The following KCNJ9 variants were observed in gnomAD, a reference collection of about 807,000 sequenced individuals.
KCNJ9 encodes the protein potassium inwardly rectifying channel subfamily J member 9.
In KCNJ9, 18 loss-of-function variants were observed where a neutral mutation model predicts 27.9. That is an observed-to-expected ratio of 0.65 (90% confidence interval 0.45 to 0.96). The LOEUF is 0.96. Among genes scored for constraint, KCNJ9 ranks in the 40% least tolerant of loss-of-function variants. KCNJ9 has a pLI of 0.00. For synonymous variants in KCNJ9, 229 were observed against 248.2 expected (o/e 0.92, Z 0.73); for missense variants, 324 against 557.5 (o/e 0.58, Z 4.22).
intron 2 of KCNJ9, 88 bp downstream of exon 2, chr1:160,084,968 C>A (rs915418020): frequency 7.2e-7 from 1 of 1,383,726 alleles, no homozygotes; most frequent in Admixed American, 2.4e-5. Flanking sequence ...GCCAGGGGAG[C>A]TGGGGAGGAT....
rs894034881 is a variant in KCNJ9 at position 160,084,001 on chromosome 1, G to T, written c.-30G>T. On this transcript the variant is annotated 5_prime_UTR_variant, in exon 2 of 3. Coordinates refer to ENST00000368088, the MANE Select transcript of KCNJ9 (RefSeq NM_004983.3). ...CTCGGGCCCCCGCCGCACTCCAGGC[G>T]CCCGCAGCGCTCGCCCTGACGCGGC... is the stretch of plus-strand genomic sequence containing the variant. The T allele has an allele frequency of 5.5e-6, 7 of 1,284,170 alleles. No homozygotes were observed. Among genetic ancestry groups the T allele is most frequent in the Admixed American group, 4.2e-5 (1 of 24,058 alleles). 79.5% of individuals were successfully genotyped at this position (1,284,170 alleles called of 1,614,324 possible).
At chr1:160,083,575 TCA>T (rs1649720287) in intron 1 of KCNJ9, among the ~76,000 whole-genome samples, 1 of 151,944 alleles carries the variant, frequency 6.6e-6, no homozygotes, top group African/African-American at 2.4e-5. Flanking sequence ...TTTCAGGAAA[TCA>T]CTAGGGGGAT....
Position 160,089,460 on chromosome 1 carries a change from G to T in KCNJ9, c.*1643G>T, listed in dbSNP as rs1304170670. 6.6e-6 allele frequency: 1 copy of T among 152,274 alleles called. No individual in the cohort carries two copies. Among genetic ancestry groups the T allele is most frequent in the Non-Finnish European group, 1.5e-5 (1 of 68,142 alleles). The allele number at this position is 152,274 out of a possible 1,614,324, so 9.4% of individuals were successfully genotyped here. A position where few individuals can be genotyped will look rare whatever the true frequency, so the allele number is the denominator to read the frequency against. On this transcript the variant is annotated 3_prime_UTR_variant, in exon 3 of 3. Coordinates refer to ENST00000368088, the MANE Select transcript of KCNJ9 (RefSeq NM_004983.3). ...CTTGAGGGGGCTCCTGGGGAGGTCG[G>T]GGGGAGGTGGAGCAGGAAGAGTTTT...
At chr1:160,082,902 T>C (rs1343981476) in intron 1 of KCNJ9, among the ~76,000 whole-genome samples, 1 of 152,034 alleles carries the variant, frequency 6.6e-6, no homozygotes, top group African/African-American at 2.4e-5. Flanking sequence ...TCAGGTGGGC[T>C]TCGCTTGGAA....
chr1:160,087,635 A>G lies in KCNJ9; in HGVS notation c.1000A>G (p.Ser334Gly), dbSNP rs1296695967. Residue 334 changes from serine (S) to glycine (G), a missense_variant, in exon 3 of 3, where the codon AGT (serine) becomes GGT (glycine). By Grantham distance (56) the Ser-to-Gly change is moderately conservative. Coordinates refer to ENST00000368088, the MANE Select transcript of KCNJ9 (RefSeq NM_004983.3). ...TTTTGAGGTGCCCACACCTTCGTGC[A>G]GTGCTCGAGAGCTGGCAGAGGCTGC... ...ETFEVPTPSCSARELAEAAAR... is the reference protein window; with the variant it reads ...ETFEVPTPSCGARELAEAAAR... 2 of 1,611,116 alleles carry G rather than the reference A, an allele frequency of 1.2e-6. No individual in the cohort carries two copies. The highest frequency in any genetic ancestry group is 1.7e-6 in the Non-Finnish European group (2 of 1,178,782).
rs1200925450 is a variant in KCNJ9 at position 160,084,747 on chromosome 1, C to T, written c.717C>T (p.Leu239=). 6.3e-7 allele frequency: 1 copy of T among 1,578,750 alleles called. No individual in the cohort carries two copies. The highest frequency in any genetic ancestry group is 8.6e-7 in the Non-Finnish European group (1 of 1,162,476). ...SVGFDTGDDR[L]FLVSPLVISH... is the part of the protein sequence containing the mutation. ...GCTTCGACACGGGAGACGACCGCCTCTTCCTCGTCTCGCCGCTGGTTATCA... is the reference window on the plus strand; with the variant it reads ...GCTTCGACACGGGAGACGACCGCCTTTTCCTCGTCTCGCCGCTGGTTATCA... The change falls in exon 2 of 3, where the codon CTC becomes CTT. Residue 239 remains leucine, a synonymous_variant. Coordinates refer to ENST00000368088, the MANE Select transcript of KCNJ9 (RefSeq NM_004983.3).
rs115369235 is a variant in KCNJ9 at position 160,086,678 on chromosome 1, G to A, written c.851-808G>A. On this transcript the variant is annotated intron_variant, in intron 2 of 2. Transcript: ENST00000368088. ...TACAGTCTTGATGTCGTAGCAATGT[G>A]ATGCAGCCTCCAAAATGATTATGTA... Among the ~76,000 whole-genome samples the A allele has an allele frequency of 2.7e-3, 415 of 152,338 alleles. 2 individuals are homozygous for A. Among genetic ancestry groups the A allele is most frequent in the African/African-American group, 9.4e-3 (392 of 41,568 alleles).
chr1:160,084,318 G>A lies in KCNJ9; in HGVS notation c.288G>A (p.Ala96=). Residue 96 remains alanine, a synonymous_variant, in exon 2 of 3, where the codon GCG becomes GCA. Coordinates refer to ENST00000368088, the MANE Select transcript of KCNJ9 (RefSeq NM_004983.3). ...RGDLEHLEDT[A]WTPCVNNLNG... ...ACCTGGAGCACCTGGAGGACACCGC[G>A]TGGACGCCGTGCGTCAACAACCTCA... 13 of 1,613,512 alleles carry A rather than the reference G, an allele frequency of 8.1e-6. No individual in the cohort carries two copies. Among genetic ancestry groups the A allele is most frequent in the Non-Finnish European group, 1.0e-5 (12 of 1,179,974 alleles).
At chr1:160,081,973 T>C (rs1649685232) in intron 1 of KCNJ9, among the ~76,000 whole-genome samples, 1 of 152,218 alleles carries the variant, frequency 6.6e-6, no homozygotes, top group Admixed American at 6.5e-5. Flanking sequence ...GTCCTTGATC[T>C]TGAGATAGAG....
At chr1:160,086,953 G>A (rs1649788283) in intron 2 of KCNJ9, among the ~76,000 whole-genome samples, 1 of 152,208 alleles carries the variant, frequency 6.6e-6, no homozygotes, top group Non-Finnish European at 1.5e-5. Context: ...TGAGACTCCT[G>A]TTTTCAGATA....
chr1:160,084,166 A>G lies in KCNJ9; in HGVS notation c.136A>G (p.Thr46Ala). Reference protein sequence around the residue: ...GNVRETYRYLTDLFTTLVDLQ... With the variant: ...GNVRETYRYLADLFTTLVDLQ... The stretch of plus-strand genomic sequence containing the variant: ...CGTGCGCGAGACATACCGCTACCTG[A>G]CGGACCTGTTCACCACGCTGGTGGA... Residue 46 changes from threonine (T) to alanine (A), a missense_variant, in exon 2 of 3, where the codon ACG becomes GCG. Physicochemically the swap from Thr to Ala is moderately conservative, Grantham distance 58. This residue lies in a region of KCNJ9 where 241 missense variants were observed against 481.7 expected (regional missense o/e 0.50). Transcript: ENST00000368088. The G allele has an allele frequency of 6.2e-7, 1 of 1,602,102 alleles. No individual in the cohort carries two copies.
intron 2 of KCNJ9, among the ~76,000 whole-genome samples, chr1:160,085,126 A>G (rs1302605813): frequency 6.6e-6 from 1 of 152,260 alleles, no homozygotes; most frequent in Non-Finnish European, 1.5e-5. Context: ...GCCCAGAGGA[A>G]TGTGTCACTT....
chr1:160,085,795 G>A (rs1211983123), intron 2 of KCNJ9, among the ~76,000 whole-genome samples: 1 of 152,226 alleles, frequency 6.6e-6, no homozygotes, highest in Admixed American at 6.5e-5. Flanking sequence ...AGGCCCACTA[G>A]GGGGCGCCGC....
At position 160,084,623 on chromosome 1, in the gene KCNJ9, C is replaced by A; in HGVS notation, c.593C>A (p.Ser198Ter). 6.2e-7 allele frequency: 1 copy of A among 1,607,780 alleles called. No homozygotes were observed. Among genetic ancestry groups the A allele is most frequent in the East Asian group, 2.2e-5 (1 of 44,494 alleles). ...TTCCGCGTGGGCGACTTGCGCTCCT[C>A]ACACATAGTGGAGGCCTCCATCCGC... ...LMFRVGDLRS[S>*]HIVEASIRAK... Residue 198 changes from serine (S) to a stop codon, truncating the protein, a stop_gained, in exon 2 of 3, where the codon TCA becomes TAA. Transcript: ENST00000368088. LOFTEE classifies it high-confidence loss of function.
intron 1 of KCNJ9, 25 bp from the exon 2 acceptor site, chr1:160,083,892 A>G: frequency 2.7e-6 from 2 of 736,508 alleles, no homozygotes; most frequent in Non-Finnish European, 3.6e-6. Flanking sequence ...CCGAGGGGCC[A>G]CTCATTCGGC....
At position 160,084,232 on chromosome 1, in the gene KCNJ9, T is replaced by C. The variant is rs1649735077; in HGVS notation, c.202T>C (p.Tyr68His). The change falls in exon 2 of 3, where the codon TAC (tyrosine) becomes CAC (histidine). Residue 68 changes from tyrosine (Y) to histidine (H), a missense_variant. By Grantham distance (83) the Tyr-to-His change is moderately conservative. Transcript: ENST00000368088. ...CAGCCTGTTGTTCTTCGTCCTGGCC[T>C]ACGCGCTCACCTGGCTCTTCTTCGG... ...RLSLLFFVLA[Y>H]ALTWLFFGAI... 6.2e-7 allele frequency: 1 copy of C among 1,613,434 alleles called. No homozygotes were observed. Among genetic ancestry groups the C allele is most frequent in the Non-Finnish European group, 8.5e-7 (1 of 1,179,832 alleles).
rs920048842 is a variant in KCNJ9, at chr1:160,087,461, C to T, written c.851-25C>T. On this transcript the variant is annotated intron_variant, in intron 2 of 2. Coordinates refer to ENST00000368088, the MANE Select transcript of KCNJ9 (RefSeq NM_004983.3). Reference sequence around the variant, plus strand: ...GAGGGAAGCCTGGAGCTGAGATTCCCCCTGACCGGTGCCCCTCCTCCCAGG... The same window carrying T: ...GAGGGAAGCCTGGAGCTGAGATTCCTCCTGACCGGTGCCCCTCCTCCCAGG... 2.5e-6 allele frequency: 4 copies of T among 1,571,054 alleles called. No homozygotes were observed. The African/African-American group carries it at 5.4e-5, about 21-fold the overall frequency.
intron 1 of KCNJ9, among the ~76,000 whole-genome samples, chr1:160,083,368 G>A (rs559644431): frequency 5.3e-5 from 8 of 152,296 alleles, no homozygotes; most frequent in African/African-American, 1.9e-4. Flanking sequence ...GGAATGGAGC[G>A]GAGTGAGTGA....
chr1:160,089,526 A>G lies in KCNJ9; in HGVS notation c.*1709A>G, dbSNP rs1649853734. Reference sequence around the variant, plus strand: ...AACCCCTTGTAGGACTGGAGGCAAGATTGAATGTGGGAGAAAATCGGAGAG... The same window carrying G: ...AACCCCTTGTAGGACTGGAGGCAAGGTTGAATGTGGGAGAAAATCGGAGAG... On this transcript the variant is annotated 3_prime_UTR_variant, in exon 3 of 3. Transcript: ENST00000368088. 6.6e-6 allele frequency: 1 copy of G among 152,324 alleles called. No homozygotes were observed. The highest frequency in any genetic ancestry group is 1.5e-5 in the Non-Finnish European group (1 of 68,136). 9.4% of individuals were successfully genotyped at this position (152,324 alleles called of 1,614,324 possible).
Sources: allele counts gnomAD v4.1 joint callset (sites outside exome capture counted in the v4.1 genomes callset), GRCh38; gene constraint gnomAD v4.1.1; regional missense constraint gnomAD v4.1.1; transcripts MANE v1.5; gene names NCBI Gene and HGNC (gene_info 2026-07-23, HGNC 2026-07-21).